The following SOX6 variants were observed in gnomAD, a reference collection of about 807,000 sequenced individuals.
SOX6 encodes the protein transcription factor SOX-6.
In SOX6, 11 loss-of-function variants were observed where a neutral mutation model predicts 97.8. That is an observed-to-expected ratio of 0.11 (90% CI 0.07 to 0.19). SOX6 has a LOEUF of 0.19. Ranked by LOEUF, SOX6 falls within the 10% of genes least tolerant of loss-of-function variation. The pLI, the probability that SOX6 is intolerant of heterozygous loss-of-function variation, is 1.00. For missense variants in SOX6, 810 were observed against 1,039.5 expected (o/e 0.78, Z 3.04); for synonymous variants, 360 against 371.4 (o/e 0.97, Z 0.35).
exon 1 of SOX6, chr11:16,738,457 C>T (rs1170717603): frequency 2.3e-6 from 1 of 433,434 alleles, no homozygotes; most frequent in Non-Finnish European, 4.3e-6. Context: ...GCTTCCTCCA[C>T]CAGCCGAAGG....
intron 15 of SOX6, among the ~76,000 whole-genome samples, chr11:15,979,374 G>A (rs894461048): frequency 6.6e-6 from 1 of 151,902 alleles, no homozygotes; most frequent in Non-Finnish European, 1.5e-5. Context: ...CTGGTTTATT[G>A]TAAGAGGCTA....
chr11:16,524,463 G>A (rs1048578384), intron 4 of SOX6, among the ~76,000 whole-genome samples: 1 of 151,996 alleles, frequency 6.6e-6, no homozygotes, highest in Non-Finnish European at 1.5e-5. Context: ...AATAAATTAG[G>A]TATTGATGGG....
At chr11:16,302,548 A>AT (rs367963089) in intron 3 of SOX6, among the ~76,000 whole-genome samples, 15 of 120,646 alleles carry the variant, frequency 1.2e-4, no homozygotes, top group Admixed American at 4.3e-4. Context: ...CTTCTACAGC[A>AT]TTTTTTTTTC....
At chr11:16,499,788 T>A (rs539260276) in intron 4 of SOX6, among the ~76,000 whole-genome samples, 12 of 152,182 alleles carry the variant, frequency 7.9e-5, no homozygotes, top group African/African-American at 2.9e-4. Flanking sequence ...AATAGACCAA[T>A]AACAGGCTCT....
At chr11:16,149,651 T>C (rs1850408039) in intron 6 of SOX6, among the ~76,000 whole-genome samples, 1 of 152,202 alleles carries the variant, frequency 6.6e-6, no homozygotes. Flanking sequence ...AAAAATTAGC[T>C]ATAGAATACT....
chr11:16,577,378 A>G (rs1230445071), intron 4 of SOX6, among the ~76,000 whole-genome samples: 1 of 152,188 alleles, frequency 6.6e-6, no homozygotes, highest in African/African-American at 2.4e-5. Context: ...TCTTTCTATC[A>G]AAGCCTTCTT....
intron 6 of SOX6, among the ~76,000 whole-genome samples, chr11:16,182,735 T>C (rs1217644621): frequency 1.3e-5 from 2 of 151,780 alleles, no homozygotes; most frequent in African/African-American, 2.4e-5. Flanking sequence ...CTGGACAAAA[T>C]GCCAATTAGG....
chr11:16,252,646 C>T (rs1290855377), intron 3 of SOX6: 1 of 152,162 alleles, frequency 6.6e-6, no homozygotes, highest in African/African-American at 2.4e-5. Context: ...CCACAACATT[C>T]TGTTCTTTTT....
At chr11:16,227,056 G>C (rs1252263248) in intron 4 of SOX6, among the ~76,000 whole-genome samples, 1 of 151,864 alleles carries the variant, frequency 6.6e-6, no homozygotes, top group East Asian at 1.9e-4. Flanking sequence ...AATTCCCTCA[G>C]TCTCATTTTA....
intron 9 of SOX6, among the ~76,000 whole-genome samples, chr11:16,084,198 A>G (rs1667228288): frequency 1.3e-5 from 2 of 152,108 alleles, no homozygotes; most frequent in Admixed American, 1.3e-4. Context: ...TCAATAAATC[A>G]GTATATATAT....
chr11:16,366,588 A>G (rs987352799), intron 1 of SOX6, among the ~76,000 whole-genome samples: 6 of 152,152 alleles, frequency 3.9e-5, no homozygotes, highest in Non-Finnish European at 8.8e-5. Flanking sequence ...TCACCATTCA[A>G]TGACTACCAC....
chr11:15,982,262 C>A (rs1286333660), intron 15 of SOX6, among the ~76,000 whole-genome samples: 1 of 151,992 alleles, frequency 6.6e-6, no homozygotes, highest in Admixed American at 6.6e-5. Context: ...TGGCCCTACA[C>A]AAATTATTTA....
chr11:16,507,702 G>A lies in SOX6; in HGVS notation n.610-31314C>T, dbSNP rs554284885. 4.6e-5 allele frequency among the ~76,000 whole-genome samples: 7 copies of A among 152,196 alleles called. No individual in the cohort carries two copies. The South Asian group carries it at 1.5e-3, about 32-fold the overall frequency. On this transcript the variant is annotated intron_variant and non_coding_transcript_variant, in intron 4 of 5. Coordinates refer to the SOX6 transcript ENST00000524520. ...TTCTAGAAATGATGCTGGGAAAATTGGATATCCATATGCAAAAGAATGAAA... is the reference window on the plus strand; with the variant it reads ...TTCTAGAAATGATGCTGGGAAAATTAGATATCCATATGCAAAAGAATGAAA...
At chr11:16,130,634 A>C (rs750352537) in intron 6 of SOX6, among the ~76,000 whole-genome samples, 1 of 151,978 alleles carries the variant, frequency 6.6e-6, no homozygotes, top group Non-Finnish European at 1.5e-5. Flanking sequence ...TTTTGAATAT[A>C]GTATGAAGCT....
At chr11:16,001,811 T>C (rs1854415407) in intron 13 of SOX6, among the ~76,000 whole-genome samples, 1 of 152,210 alleles carries the variant, frequency 6.6e-6, no homozygotes, top group Non-Finnish European at 1.5e-5. Flanking sequence ...GTTACAGGAT[T>C]ATGAGCAAGT....
At chr11:16,371,939 T>TG (rs1857503503) in intron 1 of SOX6, among the ~76,000 whole-genome samples, 1 of 152,068 alleles carries the variant, frequency 6.6e-6, no homozygotes, top group Admixed American at 6.6e-5. Context: ...TTTAGCACAA[T>TG]GGCTGGGTCA....
rs189010984 is a variant in SOX6, at chr11:16,566,109, A to G, written n.609+45972T>C. On this transcript the variant is annotated intron_variant and non_coding_transcript_variant, in intron 4 of 5. Transcript: ENST00000524520. ...AGACTCCGTCTCAAAAAAAAAAAAA[A>G]AAAAGAAATAGACCACATAAGCAAA... Among the ~76,000 whole-genome samples the G allele has an allele frequency of 7.1e-3, 1,085 of 151,840 alleles. 15 individuals are homozygous for G. The highest frequency in any genetic ancestry group is 0.025 in the African/African-American group (1,027 of 41,406).
chr11:16,258,719 G>A (rs1005993032), intron 3 of SOX6, among the ~76,000 whole-genome samples: 2 of 151,680 alleles, frequency 1.3e-5, no homozygotes, highest in Admixed American at 6.6e-5. Flanking sequence ...TAAACTCTGG[G>A]TGATAATGAT....
intron 1 of SOX6, among the ~76,000 whole-genome samples, chr11:16,351,599 C>T (rs977959512): frequency 2.6e-5 from 4 of 152,040 alleles, no homozygotes; most frequent in African/African-American, 9.7e-5. Flanking sequence ...CCAGATACAA[C>T]CAATCTTTAT....
Sources: gnomAD v4.1 joint callset for allele counts (sites outside exome capture counted in the v4.1 genomes callset) on GRCh38, gnomAD v4.1.1 for gene constraint, MANE v1.5 for transcripts, NCBI Gene and HGNC (gene_info 2026-07-23, HGNC 2026-07-21) for gene names.